Variants in CLCN1 observed in about 807,000 individuals in gnomAD.
CLCN1 encodes the protein chloride channel protein 1.
In CLCN1, 100 loss-of-function variants were observed where a neutral mutation model predicts 114.5. That is an observed-to-expected ratio of 0.87 (90% CI 0.74 to 1.03). CLCN1 has a LOEUF of 1.03. Ranked by LOEUF, CLCN1 falls within the 50% of genes least tolerant of loss-of-function variation. The probability of loss-of-function intolerance (pLI) is 0.00; values close to 1 mark genes in which losing one functional copy is unlikely to be tolerated. For synonymous variants in CLCN1, 485 were observed against 487.1 expected (o/e 1.00, Z 0.06); for missense variants, 1,188 against 1,250.0 (o/e 0.95, Z 0.75).
intron 12 of CLCN1, among the ~76,000 whole-genome samples, chr7:143,338,459 G>A (rs1351077954): frequency 6.6e-6 from 1 of 152,028 alleles, no homozygotes; most frequent in African/African-American, 2.4e-5. Context: ...CACACAATAA[G>A]TCACTCAGAC....
At chr7:143,345,333 G>T (rs545842939) in intron 16 of CLCN1, among the ~76,000 whole-genome samples, 188 bp from the exon 17 acceptor site, 12 of 152,280 alleles carry the variant, frequency 7.9e-5, no homozygotes, top group African/African-American at 2.9e-4. Flanking sequence ...CCTGCTAAAT[G>T]GATGAAATAA....
intron 7 of CLCN1, among the ~76,000 whole-genome samples, chr7:143,327,901 C>T (rs1285746358): frequency 6.6e-6 from 1 of 152,186 alleles, no homozygotes. Context: ...GTGATCTACC[C>T]ACCTCGGCCT....
intron 1 of CLCN1, among the ~76,000 whole-genome samples, 187 bp downstream of exon 1, chr7:143,316,579 A>T (rs986358684): frequency 3.9e-5 from 6 of 152,250 alleles, no homozygotes; most frequent in African/African-American, 1.4e-4. Context: ...TTAAGTATGC[A>T]CTTAGAGAGA....
intron 8 of CLCN1, 94 bp from the exon 9 acceptor site, chr7:143,331,134 GAGGA>G: frequency 9.3e-7 from 1 of 1,078,220 alleles, no homozygotes; most frequent in Non-Finnish European, 1.4e-6. Flanking sequence ...ACTGGGATTG[GAGGA>G]AGGAAGGAAT....
At position 143,321,734 on chromosome 7, in the gene CLCN1, GAAGAC is replaced by G; in HGVS notation, c.585_589del (p.Lys195AsnfsTer62). ...TTTTAGGCTCTGGAATCCCCGAAAT[GAAGAC>G]AATACTTCGTGGGGTTGTCCTGAAG... On this transcript the variant is annotated frameshift_variant, in exon 5 of 23. Transcript: ENST00000343257. LOFTEE classifies it high-confidence loss of function. The surrounding 1 kb of genome is among the most constrained non-coding windows in gnomAD (Gnocchi z 4.2). 1 of 1,614,240 alleles carries G rather than the reference GAAGAC, an allele frequency of 6.2e-7. No homozygotes were observed. Among genetic ancestry groups the G allele is most frequent in the Non-Finnish European group, 8.5e-7 (1 of 1,180,042 alleles).
intron 3 of CLCN1, 48 bp downstream of exon 3, chr7:143,320,843 C>T (rs551539986): frequency 1.2e-6 from 2 of 1,611,498 alleles, no homozygotes; most frequent in South Asian, 2.2e-5. Context: ...GGAGTTTCTA[C>T]CTAGGGTAAG....
rs7794560 is a variant in CLCN1, at chr7:143,332,890, T to C, written c.1401+17T>C. ...GTCATGAAGGTACTGCTCCTGACACTAGCAACACCCTAAACCTCCATCTGT... is the reference window on the plus strand; with the variant it reads ...GTCATGAAGGTACTGCTCCTGACACCAGCAACACCCTAAACCTCCATCTGT... On this transcript the variant is annotated intron_variant, in intron 12 of 22. Transcript: ENST00000343257. 275,502 of 1,613,004 alleles carry C rather than the reference T, an allele frequency of 0.17. 25,375 individuals are homozygous for C. The highest frequency in any genetic ancestry group is 0.19 in the Non-Finnish European group (224,433 of 1,179,040).
rs748639603 is a variant in CLCN1, at chr7:143,320,771, T to C, written c.409T>C (p.Tyr137His). 1 of 1,613,934 alleles carries C rather than the reference T, an allele frequency of 6.2e-7. No individual in the cohort carries two copies. The highest frequency in any genetic ancestry group is 1.3e-5 in the African/African-American group (1 of 75,016). Residue 137 changes from tyrosine to histidine, a missense_variant, in exon 3 of 23, where the codon TAC (tyrosine) becomes CAC (histidine). Tyr to His is a moderately conservative substitution (Grantham distance 83). Transcript: ENST00000343257. ...LMALVSWSMD[Y>H]VSAKSLQAYK... Reference sequence around the variant, plus strand: ...GGCTCTGGTCAGCTGGAGCATGGACTACGTCAGTGCCAAAAGCCTTCAGGG... The same window carrying C: ...GGCTCTGGTCAGCTGGAGCATGGACCACGTCAGTGCCAAAAGCCTTCAGGG...
Position 143,350,743 on chromosome 7 carries a change from C to G in CLCN1, c.2595+89C>G. On this transcript the variant is annotated intron_variant, in intron 22 of 22. Coordinates refer to ENST00000343257, the MANE Select transcript of CLCN1 (RefSeq NM_000083.3). The surrounding 1 kb of genome is among the most constrained non-coding windows in gnomAD (Gnocchi z 5.1). ...GTGGGGACAGAAGGAATATTAGCATCTCAGAAGTCCCCTCAGATTCCCTTC... is the reference window on the plus strand; with the variant it reads ...GTGGGGACAGAAGGAATATTAGCATGTCAGAAGTCCCCTCAGATTCCCTTC... 1 of 894,800 alleles carries G rather than the reference C, an allele frequency of 1.1e-6. No homozygotes were observed. The highest frequency in any genetic ancestry group is 1.8e-6 in the Non-Finnish European group (1 of 546,024). The allele number at this position is 894,800 out of a possible 1,614,324, so 55.4% of individuals were successfully genotyped here.
At position 143,339,428 on chromosome 7, in the gene CLCN1, G is replaced by A. The variant is rs1372492554; in HGVS notation, c.1472-83G>A. On this transcript the variant is annotated intron_variant, in intron 13 of 22. Transcript: ENST00000343257. This position sits in a 1 kb window ranked among gnomAD's most constrained non-coding sequence, Gnocchi z 4.1. ...CTGGGAGTTTATATTTGTTCTTAAT[G>A]CCCAAGGAGAGATTGGTTCTGAAAA... is the stretch of plus-strand genomic sequence containing the variant. 2.2e-6 allele frequency: 3 copies of A among 1,373,444 alleles called. No individual in the cohort carries two copies. The highest frequency in any genetic ancestry group is 3.1e-6 in the Non-Finnish European group (3 of 960,924). The allele number at this position is 1,373,444 out of a possible 1,614,324, so 85.1% of individuals were successfully genotyped here. A position where few individuals can be genotyped will look rare whatever the true frequency, so the allele number is the denominator to read the frequency against.
chr7:143,337,808 T>A (rs1289053972), intron 12 of CLCN1, among the ~76,000 whole-genome samples: 2 of 4,224 alleles, frequency 4.7e-4, no homozygotes, highest in Non-Finnish European at 8.5e-4. Context: ...TTCTCAATTC[T>A]TTTTTTTTTT....
intron 3 of CLCN1, 57 bp downstream of exon 3, chr7:143,320,852 A>C: frequency 6.2e-7 from 1 of 1,603,760 alleles, no homozygotes; most frequent in Non-Finnish European, 8.5e-7. Context: ...ACCTAGGGTA[A>C]GCAGGGTGTG....
At position 143,350,612 on chromosome 7, in the gene CLCN1, G is replaced by T. The variant is rs1803369243; in HGVS notation, c.2553G>T (p.Val851=). 1.2e-6 allele frequency: 2 copies of T among 1,614,012 alleles called. No individual in the cohort carries two copies. Among genetic ancestry groups the T allele is most frequent in the Non-Finnish European group, 1.7e-6 (2 of 1,180,032 alleles). Reference sequence around the variant, plus strand: ...TCCTTGGCCTCCACCTCGCTTACGTGACCAGCATGGGGAAGCTCAGGGGCG... The same window carrying T: ...TCCTTGGCCTCCACCTCGCTTACGTTACCAGCATGGGGAAGCTCAGGGGCG... ...FSLLGLHLAY[V]TSMGKLRGVL... The change falls in exon 22 of 23, where the codon GTG becomes GTT. Residue 851 remains valine, a synonymous_variant. Transcript: ENST00000343257. The surrounding 1 kb of genome is among the most constrained non-coding windows in gnomAD (Gnocchi z 5.1).
chr7:143,321,044 G>C lies in CLCN1; in HGVS notation c.433+249G>C, dbSNP rs533026869. 9.9e-5 allele frequency among the ~76,000 whole-genome samples: 15 copies of C among 152,270 alleles called. No individual in the cohort carries two copies. Among genetic ancestry groups the C allele is most frequent in the African/African-American group, 3.6e-4 (15 of 41,562 alleles). Reference sequence around the variant, plus strand: ...CTAATAGGGTGGCCAACTTGCCCCAGTTCCCCAGGGACTTTCCCAGTTTCA... The same window carrying C: ...CTAATAGGGTGGCCAACTTGCCCCACTTCCCCAGGGACTTTCCCAGTTTCA... On this transcript the variant is annotated intron_variant, in intron 3 of 22. Coordinates refer to ENST00000343257, the MANE Select transcript of CLCN1 (RefSeq NM_000083.3). This position sits in a 1 kb window ranked among gnomAD's most constrained non-coding sequence, Gnocchi z 4.2.
At position 143,332,784 on chromosome 7, in the gene CLCN1, G is replaced by A. The variant is rs1476813483; in HGVS notation, c.1312G>A (p.Gly438Ser). The change falls in exon 12 of 23, where the codon GGT becomes AGT. Residue 438 changes from glycine (G) to serine (S), a missense_variant. Coordinates refer to ENST00000343257, the MANE Select transcript of CLCN1 (RefSeq NM_000083.3). Reference protein sequence around the residue: ...FDNNTWVKHAGDPESLGQSAV... With the variant: ...FDNNTWVKHASDPESLGQSAV... ...CAACAATACATGGGTGAAACACGCG[G>A]GTGATCCTGAGAGCCTGGGCCAGTC... 3 of 1,614,102 alleles carry A rather than the reference G, an allele frequency of 1.9e-6. No homozygotes were observed. Among genetic ancestry groups the A allele is most frequent in the South Asian group, 2.2e-5 (2 of 91,072 alleles).
chr7:143,341,174 C>T (rs1304021660), intron 14 of CLCN1, among the ~76,000 whole-genome samples: 1 of 152,074 alleles, frequency 6.6e-6, no homozygotes, highest in East Asian at 1.9e-4. Flanking sequence ...GTATGATTCT[C>T]GGGTTTTCAT....
chr7:143,347,618 C>T (rs1272950328), intron 20 of CLCN1, among the ~76,000 whole-genome samples: 57 of 87,124 alleles, frequency 6.5e-4, no homozygotes, highest in African/African-American at 2.8e-3. Flanking sequence ...CAGACTTTGC[C>T]TCAAAAAAAA....
rs919868607 is a variant in CLCN1, at chr7:143,342,353, A to G, written c.1797-19A>G. 6.2e-7 allele frequency: 1 copy of G among 1,614,080 alleles called. No individual in the cohort carries two copies. The highest frequency in any genetic ancestry group is 8.5e-7 in the Non-Finnish European group (1 of 1,179,940). ...AGGTATACGGTGGGGCTAACCCACC[A>G]TGCTTTCTCCCTCCATAGCAAATAT... On this transcript the variant is annotated intron_variant, in intron 15 of 22. Coordinates refer to ENST00000343257, the MANE Select transcript of CLCN1 (RefSeq NM_000083.3).
chr7:143,330,248 C>T (rs1221142689), intron 7 of CLCN1, among the ~76,000 whole-genome samples: 4 of 152,184 alleles, frequency 2.6e-5, no homozygotes, highest in Middle Eastern at 3.4e-3. Context: ...TATTTTTGTT[C>T]TGTCTTCCTT....
Sources: gnomAD v4.1 joint callset for allele counts (sites outside exome capture counted in the v4.1 genomes callset) on GRCh38, gnomAD v4.1.1 for gene constraint, Gnocchi (gnomAD v3.1) non-coding constraint, MANE v1.5 for transcripts, NCBI Gene and HGNC (gene_info 2026-07-23, HGNC 2026-07-21) for gene names.